CHL1: variants seen among roughly 807,000 people sequenced by gnomAD.
The protein encoded by CHL1 is cell adhesion molecule L1 like.
CHL1 carries 96 observed loss-of-function variants against 141.9 expected under a neutral mutation model. That is an observed-to-expected ratio of 0.68 (90% CI 0.57 to 0.80). CHL1 has a LOEUF of 0.80. Ranked by LOEUF, CHL1 falls within the 30% of genes least tolerant of loss-of-function variation. The probability of loss-of-function intolerance (pLI) is 0.00; values close to 1 mark genes in which losing one functional copy is unlikely to be tolerated. For missense variants in CHL1, 1,820 were observed against 1,457.2 expected (o/e 1.25, Z -4.05); for synonymous variants, 613 against 502.2 (o/e 1.22, Z -2.95).
chr3:365,648 A>G (rs1248731580), intron 14 of CHL1, among the ~76,000 whole-genome samples: 2 of 152,216 alleles, frequency 1.3e-5, no homozygotes. Context: ...AGGAGAAATT[A>G]TGTTATTTTC....
intron 5 of CHL1, among the ~76,000 whole-genome samples, chr3:334,355 T>A (rs984641999): frequency 6.6e-6 from 1 of 152,132 alleles, no homozygotes; most frequent in Non-Finnish European, 1.5e-5. Context: ...TTTTAGTAAT[T>A]TTTTTAGTGA....
intron 15 of CHL1, among the ~76,000 whole-genome samples, chr3:367,382 T>C (rs1705035737): frequency 6.6e-6 from 1 of 152,234 alleles, no homozygotes; most frequent in Non-Finnish European, 1.5e-5. Flanking sequence ...TGAAGCTCAA[T>C]GGCTCAGATT....
intron 9 of CHL1, among the ~76,000 whole-genome samples, chr3:346,418 T>C (rs895348848): frequency 6.6e-6 from 1 of 152,258 alleles, no homozygotes; most frequent in African/African-American, 2.4e-5. Context: ...GAAATTACAT[T>C]CTTGCAGAGT....
chr3:332,379 C>A (rs1384407941), intron 5 of CHL1, among the ~76,000 whole-genome samples: 1 of 151,890 alleles, frequency 6.6e-6, no homozygotes, highest in East Asian at 1.9e-4. Context: ...ATATTCATGG[C>A]AGTAATTACC....
intron 16 of CHL1, among the ~76,000 whole-genome samples, chr3:378,660 G>C (rs1296702546): frequency 6.6e-6 from 1 of 152,104 alleles, no homozygotes. Flanking sequence ...GCTATTATTT[G>C]GTTCAGCAAG....
At chr3:322,666 A>AAT (rs1287208276) in intron 3 of CHL1, among the ~76,000 whole-genome samples, 2 of 132,736 alleles carry the variant, frequency 1.5e-5, no homozygotes, top group South Asian at 4.5e-4. Context: ...ATATATATAT[A>AAT]TATAATTATA....
intron 15 of CHL1, among the ~76,000 whole-genome samples, chr3:372,116 G>C (rs774740806): frequency 1.3e-5 from 2 of 152,078 alleles, no homozygotes; most frequent in Non-Finnish European, 2.9e-5. Context: ...GTATCTTAGT[G>C]GTGTACTCTG....
In CHL1 at chr3:341,960, G is replaced by C; in HGVS notation, c.557G>C (p.Gly186Ala). 1 of 1,613,034 alleles carries C rather than the reference G, an allele frequency of 6.2e-7. No homozygotes were observed. Among genetic ancestry groups the C allele is most frequent in the Non-Finnish European group, 8.5e-7 (1 of 1,179,274 alleles). Residue 186 changes from glycine to alanine, a missense_variant, in exon 7 of 28, where the codon GGA becomes GCA. Gly to Ala is a moderately conservative substitution (Grantham distance 60, BLOSUM62 0). Transcript: ENST00000256509. ...QDERVYMSQKGDLYFANVEEK... is the reference protein window; with the variant it reads ...QDERVYMSQKADLYFANVEEK... ...GAAAGAGTATACATGAGCCAAAAGGGAGATCTATACTTCGCAAACGTGGAA... is the reference window on the plus strand; with the variant it reads ...GAAAGAGTATACATGAGCCAAAAGGCAGATCTATACTTCGCAAACGTGGAA...
intron 24 of CHL1, among the ~76,000 whole-genome samples, chr3:395,782 T>A (rs1308177218): frequency 6.6e-6 from 1 of 152,266 alleles, no homozygotes; most frequent in African/African-American, 2.4e-5. Flanking sequence ...TAATACTATG[T>A]GTCAGACTGT....
At position 409,394 on chromosome 3, in the gene CHL1, G is replaced by C. The variant is rs960271672; in HGVS notation, c.*3683G>C. On this transcript the variant is annotated 3_prime_UTR_variant, in exon 28 of 28. Coordinates refer to ENST00000256509, the MANE Select transcript of CHL1 (RefSeq NM_006614.4). ...ATGAAATTCAACTTTCCAAATAAAA[G>C]TTCTACTTCATGTAATCCAAAAATG... 1 of 151,924 alleles carries C rather than the reference G, an allele frequency of 6.6e-6. No individual in the cohort carries two copies. Among genetic ancestry groups the C allele is most frequent in the Admixed American group, 6.6e-5 (1 of 15,234 alleles). The allele number at this position is 151,924 out of a possible 1,614,324, so 9.4% of individuals were successfully genotyped here. A position where few individuals can be genotyped will look rare whatever the true frequency, so the allele number is the denominator to read the frequency against.
chr3:330,636 T>C (rs1701364276), intron 5 of CHL1, among the ~76,000 whole-genome samples: 1 of 152,178 alleles, frequency 6.6e-6, no homozygotes, highest in Admixed American at 6.5e-5. Context: ...ACACTTAAAA[T>C]GCTCATTCTC....
chr3:334,534 A>G (rs911287008), intron 5 of CHL1, among the ~76,000 whole-genome samples: 1 of 152,144 alleles, frequency 6.6e-6, no homozygotes, highest in Non-Finnish European at 1.5e-5. Context: ...GGAATCATGT[A>G]TATGGTCTTT....
At chr3:369,398 C>G (rs1248798826) in intron 15 of CHL1, among the ~76,000 whole-genome samples, 1 of 151,988 alleles carries the variant, frequency 6.6e-6, no homozygotes, top group South Asian at 2.1e-4. Context: ...TGGCTCTCTG[C>G]TGGTCTATTG....
chr3:334,468 C>A (rs1488266278), intron 5 of CHL1, among the ~76,000 whole-genome samples: 3 of 152,142 alleles, frequency 2.0e-5, no homozygotes, highest in Admixed American at 2.0e-4. Context: ...CCTTAGGCAA[C>A]CACCAATTAA....
In CHL1 at chr3:405,804, A is replaced by T. The variant is rs1210014171; in HGVS notation, c.*93A>T. 1.2e-5 allele frequency: 10 copies of T among 840,736 alleles called. No individual in the cohort carries two copies. The highest frequency in any genetic ancestry group is 4.8e-5 in the Admixed American group (2 of 42,000). 52.1% of individuals were successfully genotyped at this position (840,736 alleles called of 1,614,324 possible). On this transcript the variant is annotated 3_prime_UTR_variant, in exon 28 of 28. Coordinates refer to ENST00000256509, the MANE Select transcript of CHL1 (RefSeq NM_006614.4). ...AGAACTTTCATATAGGAATAGAAAC[A>T]TGCTGGCCGAAGATTTCATCCAGAA... is the stretch of plus-strand genomic sequence containing the variant.
intron 2 of CHL1, among the ~76,000 whole-genome samples, chr3:315,955 T>C (rs1700123012): frequency 6.6e-6 from 1 of 152,058 alleles, no homozygotes; most frequent in South Asian, 2.1e-4. Context: ...CTGCTGCGGA[T>C]GCACTATATT....
At chr3:277,646 AC>A (rs1446061869) in intron 2 of CHL1, among the ~76,000 whole-genome samples, 1 of 152,210 alleles carries the variant, frequency 6.6e-6, no homozygotes, top group African/African-American at 2.4e-5. Context: ...TTCAGAACTT[AC>A]GTGTCATTTT....
intron 1 of CHL1, among the ~76,000 whole-genome samples, chr3:207,537 C>T (rs955106395): frequency 3.3e-5 from 5 of 152,088 alleles, no homozygotes; most frequent in Non-Finnish European, 5.9e-5. Flanking sequence ...CATACAATGG[C>T]AAAAAACTGA....
At position 407,612 on chromosome 3, in the gene CHL1, G is replaced by C. The variant is rs943310209; in HGVS notation, c.*1901G>C. ...TCTGGAGGGACAGTCATCATGTTTT[G>C]ATTTATCTGGGAGAAAACTGTGGTG... On this transcript the variant is annotated 3_prime_UTR_variant, in exon 28 of 28. Transcript: ENST00000256509. 8.5e-5 allele frequency: 13 copies of C among 152,088 alleles called. 1 individual carries two copies. The highest frequency in any genetic ancestry group is 1.5e-4 in the Non-Finnish European group (10 of 68,012). 9.4% of individuals were successfully genotyped at this position (152,088 alleles called of 1,614,324 possible). A position where few individuals can be genotyped will look rare whatever the true frequency, so the allele number is the denominator to read the frequency against.
Sources: allele counts gnomAD v4.1 joint callset (sites outside exome capture counted in the v4.1 genomes callset), GRCh38; gene constraint gnomAD v4.1.1; transcripts MANE v1.5; gene names NCBI Gene and HGNC (gene_info 2026-07-23, HGNC 2026-07-21).